BRINP3: variants seen among roughly 807,000 people sequenced by gnomAD.
BRINP3 encodes BMP/retinoic acid inducible neural specific 3.
In BRINP3, 19 loss-of-function variants were observed where a neutral mutation model predicts 71.0. That is an observed-to-expected ratio of 0.27 (90% CI 0.19 to 0.39). The LOEUF is 0.39. BRINP3 is among the 10% of genes least tolerant of loss of function. The pLI, the probability that BRINP3 is intolerant of heterozygous loss-of-function variation, is 1.00. For synonymous variants in BRINP3, 380 were observed against 337.7 expected (o/e 1.13, Z -1.37); for missense variants, 959 against 940.8 (o/e 1.02, Z -0.25).
chr1:190,263,179 G>C (rs761131954), intron 4 of BRINP3, among the ~76,000 whole-genome samples: 64 of 152,048 alleles, frequency 4.2e-4, no homozygotes, highest in Non-Finnish European at 5.4e-4. Context: ...CCTTGAAATT[G>C]ATTTCTGGAA....
At chr1:190,376,286 T>C (rs1462470131) in intron 2 of BRINP3, among the ~76,000 whole-genome samples, 1 of 152,014 alleles carries the variant, frequency 6.6e-6, no homozygotes, top group Non-Finnish European at 1.5e-5. Flanking sequence ...TTCTAGAAAT[T>C]GCATCATATC....
chr1:190,160,613 G>A, intron 7 of BRINP3, 55 bp downstream of exon 7: 3 of 1,460,328 alleles, frequency 2.1e-6, no homozygotes, highest in Non-Finnish European at 2.8e-6. Context: ...AAAATAAATA[G>A]AACTCACTTT....
At chr1:190,235,119 C>A (rs950277933) in intron 4 of BRINP3, among the ~76,000 whole-genome samples, 1 of 152,060 alleles carries the variant, frequency 6.6e-6, no homozygotes, top group African/African-American at 2.4e-5. Context: ...TTTTATCTAT[C>A]CTCAAAATTA....
intron 4 of BRINP3, among the ~76,000 whole-genome samples, chr1:190,257,312 C>A (rs1020515898): frequency 1.3e-5 from 2 of 152,070 alleles, no homozygotes; most frequent in African/African-American, 2.4e-5. Context: ...TCATGTAGTT[C>A]TCGTGCCATG....
intron 2 of BRINP3, among the ~76,000 whole-genome samples, chr1:190,421,740 CT>C (rs1271881974): frequency 6.6e-6 from 1 of 151,748 alleles, no homozygotes; most frequent in Non-Finnish European, 1.5e-5. Context: ...AATTTTTTAA[CT>C]TCACGAGTTC....
intron 3 of BRINP3, among the ~76,000 whole-genome samples, chr1:190,273,265 G>T (rs1332672019): frequency 6.6e-6 from 1 of 151,392 alleles, no homozygotes; most frequent in Admixed American, 6.6e-5. Context: ...TCAACTAAAT[G>T]ATTGCGTTCA....
At chr1:190,148,649 A>AAATAAATAAATT (rs1384871968) in intron 7 of BRINP3, among the ~76,000 whole-genome samples, 8 of 142,084 alleles carry the variant, frequency 5.6e-5, no homozygotes, top group Non-Finnish European at 9.2e-5. Context: ...ATAAATAAAT[A>AAATAAATAAATT]AATTCTATCT....
intron 2 of BRINP3, among the ~76,000 whole-genome samples, chr1:190,450,394 A>T (rs1051702963): frequency 6.6e-6 from 1 of 152,192 alleles, no homozygotes; most frequent in Non-Finnish European, 1.5e-5. Flanking sequence ...GCAGAAGGTT[A>T]CATATTAACC....
intron 7 of BRINP3, among the ~76,000 whole-genome samples, chr1:190,112,253 A>T (rs1005385392): frequency 1.3e-5 from 2 of 152,210 alleles, no homozygotes; most frequent in African/African-American, 4.8e-5. Context: ...TGTAAAGAAA[A>T]GGCTTTTAAA....
intron 2 of BRINP3, among the ~76,000 whole-genome samples, chr1:190,435,054 T>C (rs1242672654): frequency 6.6e-6 from 1 of 152,184 alleles, no homozygotes; most frequent in Non-Finnish European, 1.5e-5. Flanking sequence ...ATAGTTTGTT[T>C]AACTTCTTTT....
intron 2 of BRINP3, among the ~76,000 whole-genome samples, chr1:190,283,404 G>T (rs1053233247): frequency 6.6e-6 from 1 of 151,648 alleles, no homozygotes; most frequent in African/African-American, 2.4e-5. Context: ...TAAAACAACC[G>T]ATCTACATAA....
intron 1 of BRINP3, among the ~76,000 whole-genome samples, chr1:190,465,902 T>C (rs1313961771): frequency 1.3e-5 from 2 of 151,870 alleles, no homozygotes; most frequent in African/African-American, 4.8e-5. Context: ...TAAAACGATA[T>C]GTAGAAATGA....
chr1:190,106,771 G>T (rs966115123), intron 7 of BRINP3, among the ~76,000 whole-genome samples: 23 of 151,454 alleles, frequency 1.5e-4, no homozygotes, highest in African/African-American at 5.6e-4. Flanking sequence ...TTAAAACCTG[G>T]ACTTATTTTC....
At chr1:190,361,156 G>A (rs1281533468) in intron 2 of BRINP3, among the ~76,000 whole-genome samples, 4 of 151,868 alleles carry the variant, frequency 2.6e-5, no homozygotes, top group Non-Finnish European at 4.4e-5. Context: ...AGGAATAAGA[G>A]GCAAGGAGGG....
intron 2 of BRINP3, among the ~76,000 whole-genome samples, chr1:190,344,732 G>A (rs776868639): frequency 6.6e-6 from 1 of 151,796 alleles, no homozygotes; most frequent in Non-Finnish European, 1.5e-5. Flanking sequence ...TAGTTGAAAA[G>A]TTTAACATAA....
chr1:190,274,773 A>G (rs994971118), intron 3 of BRINP3, among the ~76,000 whole-genome samples: 5 of 151,614 alleles, frequency 3.3e-5, no homozygotes, highest in Non-Finnish European at 5.9e-5. Flanking sequence ...AGATCTATCT[A>G]CTAATCTACT....
At chr1:190,451,499 C>A (rs1175509473) in intron 2 of BRINP3, among the ~76,000 whole-genome samples, 2 of 152,172 alleles carry the variant, frequency 1.3e-5, no homozygotes. Context: ...CAAGTGTCCC[C>A]CTGTTCTATG....
rs745535899 is a variant in BRINP3 at position 190,099,002 on chromosome 1, C to G, written c.1317G>C (p.Leu439=). ...CAGAGGCGTCTCCCACTGTGCAGGG[C>G]AGGAACGCGGTGCAGACCACCTGGT... ...PNDQVVCTAF[L]PCTVGDASAC... is the part of the protein sequence containing the mutation. The change falls in exon 8 of 8, where the codon CTG becomes CTC. Residue 439 remains leucine (L), a synonymous_variant. Transcript: ENST00000367462. 1 of 1,614,180 alleles carries G rather than the reference C, an allele frequency of 6.2e-7. No homozygotes were observed. The highest frequency in any genetic ancestry group is 8.5e-7 in the Non-Finnish European group (1 of 1,180,024).
intron 7 of BRINP3, among the ~76,000 whole-genome samples, chr1:190,159,897 T>C (rs1475702842): frequency 8.5e-5 from 13 of 152,108 alleles, no homozygotes; most frequent in Admixed American, 8.5e-4. Context: ...CAGGGTTTTT[T>C]TTCCAGCAAA....
Sources: allele counts gnomAD v4.1 joint callset (sites outside exome capture counted in the v4.1 genomes callset), GRCh38; gene constraint gnomAD v4.1.1; transcripts MANE v1.5; gene names NCBI Gene and HGNC (gene_info 2026-07-23, HGNC 2026-07-21).